The following PDS5B variants were observed in gnomAD, a reference collection of about 807,000 sequenced individuals.
PDS5B encodes the protein sister chromatid cohesion protein PDS5 homolog B.
A neutral mutation model predicts 184.1 loss-of-function variants in PDS5B; 51 were observed. The ratio of observed to expected loss-of-function variants is 0.28; its 90% CI spans 0.22 to 0.35. PDS5B has a LOEUF of 0.35. PDS5B is among the 10% of genes least tolerant of loss of function. The pLI is 1.00. For synonymous variants in PDS5B, 566 were observed against 569.2 expected, an observed-to-expected ratio of 0.99 and a Z score of 0.08; for missense variants, 1,180 against 1,723.3, an observed-to-expected ratio of 0.68 and a Z score of 5.58.
In PDS5B at chr13:32,679,894, T is replaced by C. The variant is rs1393872634; in HGVS notation, c.1057+965T>C. On this transcript the variant is annotated intron_variant, in intron 10 of 34. Transcript: ENST00000315596. ...TCCTCTTCGTCTGTGAGTGTGTGTG[T>C]GTGTGTGTGTGTGTGTGTGTGTCTG... Among the ~76,000 whole-genome samples, 3 of 135,296 alleles carry C rather than the reference T, an allele frequency of 2.2e-5. No homozygotes were observed. The East Asian group carries it at 5.9e-4, about 27-fold the overall frequency. 88.8% of individuals were successfully genotyped at this position (135,296 alleles called of 152,430 possible). A position where few individuals can be genotyped will look rare whatever the true frequency, so the allele number is the denominator to read the frequency against.
intron 6 of PDS5B, among the ~76,000 whole-genome samples, chr13:32,664,475 C>G (rs983286264): frequency 6.6e-6 from 1 of 152,130 alleles, no homozygotes; most frequent in African/African-American, 2.4e-5. Context: ...TAATAGAAGA[C>G]TTACATATGT....
chr13:32,749,702 A>G (rs1953902687), intron 24 of PDS5B, among the ~76,000 whole-genome samples: 1 of 152,284 alleles, frequency 6.6e-6, no homozygotes, highest in Middle Eastern at 3.4e-3. Flanking sequence ...AACTAATTAC[A>G]TGGTATTAAT....
intron 34 of PDS5B, among the ~76,000 whole-genome samples, chr13:32,774,090 A>G (rs1292547854): frequency 6.6e-6 from 1 of 152,234 alleles, no homozygotes. Flanking sequence ...GGCATCAGCC[A>G]CTGCACCCGG....
chr13:32,716,611 G>T (rs1952431186), intron 19 of PDS5B, among the ~76,000 whole-genome samples: 1 of 149,568 alleles, frequency 6.7e-6, no homozygotes, highest in Admixed American at 6.6e-5. Context: ...ATCCGGGAGG[G>T]AGGTGGGGGG....
chr13:32,638,203 CACAA>C (rs1252961138), intron 1 of PDS5B, among the ~76,000 whole-genome samples: 2 of 152,176 alleles, frequency 1.3e-5, no homozygotes, highest in Non-Finnish European at 2.9e-5. Context: ...TAACCCAGAG[CACAA>C]ACACTTACTA....
chr13:32,627,215 A>G (rs1389155826), intron 1 of PDS5B, among the ~76,000 whole-genome samples: 2 of 152,178 alleles, frequency 1.3e-5, no homozygotes, highest in Non-Finnish European at 2.9e-5. Context: ...ATTTGCTGTG[A>G]TATCTAGGGG....
chr13:32,627,089 A>G (rs781652974), intron 1 of PDS5B, among the ~76,000 whole-genome samples: 2 of 152,216 alleles, frequency 1.3e-5, no homozygotes, highest in Non-Finnish European at 2.9e-5. Flanking sequence ...AGGTAGAACA[A>G]TGATCTCATG....
chr13:32,661,902 T>A (rs1325493307), intron 6 of PDS5B, among the ~76,000 whole-genome samples: 3 of 152,184 alleles, frequency 2.0e-5, no homozygotes, highest in Admixed American at 6.5e-5. Context: ...GTAAGTGATA[T>A]GATCCTGGGA....
chr13:32,592,380 T>C (rs976511908), intron 1 of PDS5B, among the ~76,000 whole-genome samples: 1 of 152,018 alleles, frequency 6.6e-6, no homozygotes, highest in Non-Finnish European at 1.5e-5. Context: ...CTCAGCCTTC[T>C]GAGTAGCTGG....
chr13:32,686,625 A>G (rs1951398721), intron 11 of PDS5B, among the ~76,000 whole-genome samples: 2 of 152,124 alleles, frequency 1.3e-5, no homozygotes, highest in Non-Finnish European at 2.9e-5. Flanking sequence ...ACAAAAAACA[A>G]AAATAAAAAA....
In PDS5B at chr13:32,673,357, G is replaced by GT. The variant is rs1219649480; in HGVS notation, c.846+2dup. The stretch of plus-strand genomic sequence containing the variant: ...ACCCCAGCTTGAATTTAAATTAAAG[G>GT]TAACTTGTAAAAATAATATGATTCT... On this transcript the variant is annotated splice_donor_variant, in intron 8 of 34. Transcript: ENST00000315596. LOFTEE classifies it high-confidence loss of function. 6.2e-7 allele frequency: 1 copy of GT among 1,604,536 alleles called. No individual in the cohort carries two copies. The highest frequency in any genetic ancestry group is 8.5e-7 in the Non-Finnish European group (1 of 1,175,676).
chr13:32,681,444 G>A (rs1412986835), intron 10 of PDS5B, among the ~76,000 whole-genome samples: 3 of 152,080 alleles, frequency 2.0e-5, no homozygotes, highest in Admixed American at 2.0e-4. Context: ...CCAACATGGT[G>A]AAACCCCACC....
At chr13:32,586,840 C>T (rs2140447541) in intron 1 of PDS5B, among the ~76,000 whole-genome samples, 1 of 144,268 alleles carries the variant, frequency 6.9e-6, no homozygotes. Context: ...GAGGGCCCCG[C>T]GGCCGGCGCG....
Position 32,631,114 on chromosome 13 carries a change from C to CTTTTTTT in PDS5B, c.-19-17637_-19-17636insTTTTTTT, listed in dbSNP as rs766844209. Among the ~76,000 whole-genome samples the CTTTTTTT allele has an allele frequency of 1.6e-4, 20 of 123,736 alleles. 4 individuals carry two copies. The highest frequency in any genetic ancestry group is 2.7e-4 in the Non-Finnish European group (15 of 56,338). 81.2% of individuals were successfully genotyped at this position (123,736 alleles called of 152,430 possible). On this transcript the variant is annotated intron_variant, in intron 1 of 34. Coordinates refer to ENST00000315596, the MANE Select transcript of PDS5B (RefSeq NM_015032.4). ...GGCCATCTCTATTGATTCTTTTTTT[C>CTTTTTTT]TTTCTTTTTTTTTTTTTTTGAGATG...
intron 1 of PDS5B, among the ~76,000 whole-genome samples, chr13:32,638,707 A>G (rs1171379267): frequency 6.6e-6 from 1 of 152,068 alleles, no homozygotes; most frequent in African/African-American, 2.4e-5. Context: ...AGAGGAGATA[A>G]CTAATCAAGT....
chr13:32,699,512 A>G (rs1951806188), intron 15 of PDS5B, among the ~76,000 whole-genome samples: 1 of 152,192 alleles, frequency 6.6e-6, no homozygotes, highest in Non-Finnish European at 1.5e-5. Context: ...TTCCTTGCAT[A>G]TATGTCCCTT....
At chr13:32,594,621 A>C (rs2057829919) in intron 1 of PDS5B, among the ~76,000 whole-genome samples, 1 of 152,248 alleles carries the variant, frequency 6.6e-6, no homozygotes, top group African/African-American at 2.4e-5. Context: ...ACCAAGTCTT[A>C]GATGATGGAA....
intron 1 of PDS5B, among the ~76,000 whole-genome samples, chr13:32,631,218 G>A (rs1381264607): frequency 6.7e-6 from 1 of 150,124 alleles, no homozygotes; most frequent in East Asian, 2.0e-4. Flanking sequence ...CTAGGCTTAG[G>A]TGATCCTCTC....
chr13:32,745,804 A>G (rs546790550), intron 23 of PDS5B, among the ~76,000 whole-genome samples, 173 bp from the exon 24 acceptor site: 1 of 152,276 alleles, frequency 6.6e-6, no homozygotes, highest in East Asian at 1.9e-4. Context: ...TCCTAATACT[A>G]TCTCCTAGGT....
Sources: gnomAD v4.1 joint callset for allele counts (sites outside exome capture counted in the v4.1 genomes callset) on GRCh38, gnomAD v4.1.1 for gene constraint, MANE v1.5 for transcripts, NCBI Gene and HGNC (gene_info 2026-07-23, HGNC 2026-07-21) for gene names.